EPHX2: variants seen among roughly 807,000 people sequenced by gnomAD.
EPHX2 encodes bifunctional epoxide hydrolase 2.
Under a neutral mutation model 78.7 loss-of-function variants are expected in EPHX2, and 74 were observed. The ratio of observed to expected loss-of-function variants is 0.94; its 90% CI spans 0.78 to 1.14. EPHX2 has a LOEUF of 1.14. Ranked by LOEUF, EPHX2 falls within the 50% of genes most tolerant of loss-of-function variation. EPHX2 has a pLI of 0.00. For synonymous variants in EPHX2, 251 were observed against 255.2 expected (o/e 0.98, Z 0.16); for missense variants, 715 against 702.5 (o/e 1.02, Z -0.20).
At chr8:27,504,728 A>G (rs1027208066) in intron 3 of EPHX2, among the ~76,000 whole-genome samples, 1 of 152,110 alleles carries the variant, frequency 6.6e-6, no homozygotes, top group African/African-American at 2.4e-5. Flanking sequence ...TTCTCCATCT[A>G]GGCTTCTGAG....
At chr8:27,491,563 A>G (rs180713248) in intron 1 of EPHX2, among the ~76,000 whole-genome samples, 2 of 152,340 alleles carry the variant, frequency 1.3e-5, no homozygotes, top group East Asian at 3.9e-4. Flanking sequence ...GAGAGGAGTT[A>G]CTCATGGAGC....
Position 27,544,429 on chromosome 8 carries a change from C to G in EPHX2, c.1590-15C>G. 1 of 1,613,988 alleles carries G rather than the reference C, an allele frequency of 6.2e-7. No homozygotes were observed. On this transcript the variant is annotated splice_polypyrimidine_tract_variant and intron_variant, in intron 18 of 18. Coordinates refer to ENST00000521400, the MANE Select transcript of EPHX2 (RefSeq NM_001979.6). Reference sequence around the variant, plus strand: ...GAATGGCTATTTTTTTCTTTTACTTCTCCCTTTCCCCCAGGCCAACCGAGG... The same window carrying G: ...GAATGGCTATTTTTTTCTTTTACTTGTCCCTTTCCCCCAGGCCAACCGAGG...
chr8:27,530,311 C>A (rs997001508), intron 12 of EPHX2, among the ~76,000 whole-genome samples: 5 of 152,118 alleles, frequency 3.3e-5, no homozygotes, highest in Non-Finnish European at 2.9e-5. Context: ...TGAAGTAATT[C>A]ATCCTTGCTA....
rs1456808796 is a variant in EPHX2, at chr8:27,544,464, T to A, written c.1610T>A (p.Ile537Asn). ...CCCAGGCCAACCGAGGTGAATCAGA[T>A]CCTCATTAAGTGGCTGGATTCTGAT... ...QMDKPTEVNQ[I>N]LIKWLDSDAR... Residue 537 changes from isoleucine to asparagine, a missense_variant, in exon 19 of 19, where the codon ATC (isoleucine) becomes AAC (asparagine). Ile to Asn is a moderately radical substitution (Grantham distance 149, BLOSUM62 -3). Transcript: ENST00000521400. The A allele has an allele frequency of 3.1e-6, 5 of 1,614,082 alleles. No homozygotes were observed. Among genetic ancestry groups the A allele is most frequent in the Admixed American group, 1.7e-5 (1 of 60,022 alleles).
chr8:27,498,778 G>T (rs1813663625), intron 1 of EPHX2, among the ~76,000 whole-genome samples: 1 of 152,160 alleles, frequency 6.6e-6, no homozygotes, highest in African/African-American at 2.4e-5. Context: ...TTTGGAGGAG[G>T]TGGAAATGTT....
At chr8:27,506,787 T>G in intron 4 of EPHX2, 85 bp from the exon 5 acceptor site, 1 of 1,534,910 alleles carries the variant, frequency 6.5e-7, no homozygotes, top group South Asian at 1.2e-5. Flanking sequence ...GAAAAAGAGT[T>G]TTTAATCTCC....
chr8:27,515,901 C>A, intron 7 of EPHX2, 88 bp downstream of exon 7: 1 of 1,149,428 alleles, frequency 8.7e-7, no homozygotes, highest in East Asian at 2.4e-5. Context: ...CGTGAGGAAG[C>A]TGAAACCTGA....
intron 5 of EPHX2, among the ~76,000 whole-genome samples, chr8:27,508,435 C>G (rs1814099840): frequency 1.3e-5 from 2 of 152,162 alleles, no homozygotes; most frequent in South Asian, 4.1e-4. Flanking sequence ...CCCAGTGACT[C>G]CATAACCTTA....
downstream of EPHX2, among the ~76,000 whole-genome samples, chr8:27,548,520 G>T (rs1165598438): frequency 2.0e-5 from 3 of 152,194 alleles, no homozygotes; most frequent in Non-Finnish European, 4.4e-5. Context: ...GAGATCGGGG[G>T]CTGCCTGTCT....
intron 2 of EPHX2, among the ~76,000 whole-genome samples, chr8:27,502,965 T>G (rs1361795603): frequency 6.6e-6 from 1 of 152,148 alleles, no homozygotes; most frequent in Non-Finnish European, 1.5e-5. Flanking sequence ...GTCCAAGTGT[T>G]TGTGCCCCCC....
intron 2 of EPHX2, among the ~76,000 whole-genome samples, chr8:27,501,974 A>T (rs1296005599): frequency 6.6e-6 from 1 of 152,222 alleles, no homozygotes; most frequent in Admixed American, 6.5e-5. Flanking sequence ...TACTATACAG[A>T]CAGAAAAGTA....
chr8:27,505,774 T>G (rs1179706306), intron 4 of EPHX2, among the ~76,000 whole-genome samples: 1 of 152,042 alleles, frequency 6.6e-6, no homozygotes, highest in Non-Finnish European at 1.5e-5. Flanking sequence ...GGACTTTGCT[T>G]CTTCTCTTCT....
chr8:27,531,658 T>C (rs1815045735), intron 12 of EPHX2, among the ~76,000 whole-genome samples: 1 of 152,166 alleles, frequency 6.6e-6, no homozygotes, highest in Non-Finnish European at 1.5e-5. Flanking sequence ...GCGTTACTTG[T>C]AAAGGGCAGG....
At chr8:27,502,922 C>T (rs762997612) in intron 2 of EPHX2, among the ~76,000 whole-genome samples, 33 of 152,284 alleles carry the variant, frequency 2.2e-4, no homozygotes, top group Admixed American at 2.0e-3. Flanking sequence ...TAACAGTGGA[C>T]ATTTGGGTAG....
At chr8:27,533,507 TTC>T (rs1370945938) in intron 12 of EPHX2, among the ~76,000 whole-genome samples, 1 of 152,228 alleles carries the variant, frequency 6.6e-6, no homozygotes, top group Non-Finnish European at 1.5e-5. Flanking sequence ...CTTCTCTCCT[TTC>T]TGGCTCCCAG....
At chr8:27,504,919 C>G (rs781591614) in intron 3 of EPHX2, 37 bp from the exon 4 acceptor site, 1 of 1,609,792 alleles carries the variant, frequency 6.2e-7, no homozygotes, top group Non-Finnish European at 8.5e-7. Context: ...GGGCAAAGGT[C>G]TGTAGCTGGT....
intron 12 of EPHX2, among the ~76,000 whole-genome samples, chr8:27,528,523 G>T (rs116204790): frequency 0.023 from 3,574 of 152,254 alleles, 138 homozygotes; most frequent in African/African-American, 0.075. Context: ...GGTTGGTTTT[G>T]GGTGGTTTTC....
intron 6 of EPHX2, 105 bp downstream of exon 6, chr8:27,512,015 C>G: frequency 8.6e-7 from 1 of 1,160,630 alleles, no homozygotes; most frequent in Non-Finnish European, 1.3e-6. Context: ...TCACCTGAAC[C>G]TGAGCCTGGG....
intron 5 of EPHX2, among the ~76,000 whole-genome samples, chr8:27,509,547 C>A (rs774881602): frequency 6.6e-6 from 1 of 152,020 alleles, no homozygotes; most frequent in Non-Finnish European, 1.5e-5. Context: ...CAGGATCAAG[C>A]GATTTCTGGC....
Sources: gnomAD v4.1 joint callset for allele counts (sites outside exome capture counted in the v4.1 genomes callset) on GRCh38, gnomAD v4.1.1 for gene constraint, MANE v1.5 for transcripts, NCBI Gene and HGNC (gene_info 2026-07-23, HGNC 2026-07-21) for gene names.